The following FGF22 variants were observed in gnomAD, a reference collection of about 807,000 sequenced individuals.
The protein encoded by FGF22 is fibroblast growth factor 22, also known as FGF-22.
Under a neutral mutation model 10.3 loss-of-function variants are expected in FGF22, and 11 were observed. The ratio of observed to expected loss-of-function variants is 1.07; its 90% confidence interval spans 0.67 to 1.77. The LOEUF (loss-of-function observed/expected upper bound fraction) is 1.77, where lower values mean the gene tolerates loss of function less well. Ranked by LOEUF, FGF22 falls within the 40% of genes most tolerant of loss-of-function variation. The pLI is 0.00. For synonymous variants in FGF22, 136 were observed against 122.1 expected (o/e 1.11, Z -0.75); for missense variants, 317 against 273.2 (o/e 1.16, Z -1.13).
intron 1 of FGF22, among the ~76,000 whole-genome samples, chr19:641,752 C>G (rs368135767): frequency 1.3e-5 from 2 of 152,124 alleles, no homozygotes; most frequent in African/African-American, 4.8e-5. Context: ...CAAAGACGTT[C>G]CTGTGTGTCC....
exon 1 of FGF22, chr19:639,963 T>TGCTGGC (rs947026061): frequency 8.0e-7 from 1 of 1,254,760 alleles, no homozygotes; most frequent in African/African-American, 1.6e-5. Context: ...GCCTGGCTGC[T>TGCTGGC]GCTGGCGCGG....
chr19:640,965 C>T (rs1003909494), intron 1 of FGF22: 13 of 352,414 alleles, frequency 3.7e-5, no homozygotes, highest in African/African-American at 1.5e-4. Flanking sequence ...CTGGCTGGGC[C>T]GGTCCATCCA....
At chr19:641,288 A>C in intron 1 of FGF22, 1 of 455,086 alleles carries the variant, frequency 2.2e-6, no homozygotes, top group Non-Finnish European at 4.4e-6. Flanking sequence ...CAGAACAGTG[A>C]ACGGTTGGCC....
At chr19:641,246 T>TAA (rs1181458008) in intron 1 of FGF22, 3 of 456,272 alleles carry the variant, frequency 6.6e-6, no homozygotes, top group Admixed American at 4.7e-5. Context: ...GCGCAGCAGT[T>TAA]AGACACGTGA....
In FGF22 at chr19:643,239, C is replaced by A. The variant is rs140772499; in HGVS notation, c.219C>A (p.Ile73=). Residue 73 remains isoleucine (I), a synonymous_variant, in exon 2 of 3, where the codon ATC becomes ATA. Transcript: ENST00000215530. ...CCCGACCCCCGCCTCCCCCAGGCATCCTGGAGATCCGCTCTGTACACGTGG... is the reference window on the plus strand; with the variant it reads ...CCCGACCCCCGCCTCCCCCAGGCATACTGGAGATCCGCTCTGTACACGTGG... 136 of 1,608,772 alleles carry A rather than the reference C, an allele frequency of 8.5e-5. No individual in the cohort carries two copies. The African/African-American group carries it at 1.7e-3, about 20-fold the overall frequency.
intron 1 of FGF22, among the ~76,000 whole-genome samples, chr19:641,754 T>C (rs1985910238): frequency 6.6e-6 from 1 of 152,066 alleles, no homozygotes; most frequent in Non-Finnish European, 1.5e-5. Flanking sequence ...AAGACGTTCC[T>C]GTGTGTCCTG....
chr19:643,706 C>A, exon 3 of FGF22: 1 of 1,044,236 alleles, frequency 9.6e-7, no homozygotes, highest in Non-Finnish European at 1.3e-6. Context: ...GCTGAGTGCC[C>A]ACCGTGTGCG....
intron 1 of FGF22, chr19:641,392 C>A (rs896483914): frequency 1.3e-5 from 5 of 391,548 alleles, no homozygotes; most frequent in Admixed American, 8.6e-5. Flanking sequence ...CCGGCTAACA[C>A]GGTGAAACCC....
chr19:643,468 C>A, exon 3 of FGF22: 1 of 1,611,546 alleles, frequency 6.2e-7, no homozygotes, highest in Non-Finnish European at 8.5e-7. Context: ...GGCCACAACA[C>A]CTACGCCTCA....
At chr19:640,977 G>T (rs901319466) in intron 1 of FGF22, 5 of 356,724 alleles carry the variant, frequency 1.4e-5, no homozygotes, top group Non-Finnish European at 2.8e-5. Flanking sequence ...GTCCATCCAT[G>T]GCGGGCATGG....
At chr19:641,183 G>T (rs1241526822) in intron 1 of FGF22, 1 of 456,518 alleles carries the variant, frequency 2.2e-6, no homozygotes, top group East Asian at 6.9e-5. Context: ...TCCGCATGGG[G>T]GACCCAGTGG....
At chr19:640,483 G>A (rs1985865211) in intron 1 of FGF22, 1 of 211,224 alleles carries the variant, frequency 4.7e-6, no homozygotes, top group African/African-American at 2.3e-5. Flanking sequence ...CTGACCTCCG[G>A]ACTCCTGACA....
At chr19:640,119 G>A in exon 1 of FGF22, 2 of 1,370,970 alleles carry the variant, frequency 1.5e-6, no homozygotes, top group Non-Finnish European at 1.9e-6. Context: ...CAGGGCACCC[G>A]CTGGCGCCAC....
At position 643,534 on chromosome 19, in the gene FGF22, G is replaced by A. The variant is rs552215752; in HGVS notation, c.443G>A (p.Gly148Glu). 8 of 1,603,898 alleles carry A rather than the reference G, an allele frequency of 5.0e-6. No homozygotes were observed. In the South Asian group the frequency reaches 6.6e-5, roughly 13 times the overall value. ...TTCCTGGCGCTGGACAGGAGGGGGGGGCCCCGGCCAGGCGGCCGGACGCGG... is the reference window on the plus strand; with the variant it reads ...TTCCTGGCGCTGGACAGGAGGGGGGAGCCCCGGCCAGGCGGCCGGACGCGG... The change falls in exon 3 of 3, where the codon GGG (glycine) becomes GAG (glutamate). Residue 148 changes from glycine to glutamate, a missense_variant. Coordinates refer to ENST00000215530, the Ensembl canonical transcript of FGF22.
rs926300953 is a variant in FGF22 at position 643,192 on chromosome 19, G to A, written c.215-43G>A. ...AGCACAGCGGACAGCAGCGGTGCTGGGGGTGAGCCAGCAAGGCCCTCCCCG... is the reference window on the plus strand; with the variant it reads ...AGCACAGCGGACAGCAGCGGTGCTGAGGGTGAGCCAGCAAGGCCCTCCCCG... On this transcript the variant is annotated intron_variant, in intron 1 of 2. Transcript: ENST00000215530. 3.1e-6 allele frequency: 3 copies of A among 971,308 alleles called. No individual in the cohort carries two copies. In the Admixed American group the frequency reaches 1.1e-4, roughly 34 times the overall value. 60.2% of individuals were successfully genotyped at this position (971,308 alleles called of 1,614,324 possible).
chr19:640,019 A>G, exon 1 of FGF22: 2 of 1,363,048 alleles, frequency 1.5e-6, no homozygotes, highest in East Asian at 3.1e-5. Context: ...GGGACCGCGC[A>G]GCTACCCGCA....
At chr19:643,705 C>A in exon 3 of FGF22, 1 of 1,044,066 alleles carries the variant, frequency 9.6e-7, no homozygotes, top group Non-Finnish European at 1.3e-6. Flanking sequence ...CGCTGAGTGC[C>A]CACCGTGTGC....
intron 1 of FGF22, chr19:641,233 G>C (rs890854143): frequency 2.2e-6 from 1 of 456,338 alleles, no homozygotes; most frequent in African/African-American, 2.0e-5. Context: ...CCAGAGCAGA[G>C]GCGCGCAGCA....
At chr19:640,706 G>T in intron 1 of FGF22, 1 of 175,694 alleles carries the variant, frequency 5.7e-6, no homozygotes, top group South Asian at 1.2e-4. Context: ...CACTGAGGTA[G>T]GCCCTCAGTG....
Sources: gnomAD v4.1 joint callset for allele counts (sites outside exome capture counted in the v4.1 genomes callset) on GRCh38, gnomAD v4.1.1 for gene constraint, MANE v1.5 for transcripts, NCBI Gene and HGNC (gene_info 2026-07-23, HGNC 2026-07-21) for gene names.